SUCLA2: variants seen among roughly 807,000 people sequenced by gnomAD.
The protein encoded by SUCLA2 is succinate--CoA ligase [ADP-forming] subunit beta, mitochondrial.
SUCLA2 carries 30 observed loss-of-function variants against 54.8 expected under a neutral mutation model. The observed-to-expected ratio is 0.55, with a 90% CI of 0.41 to 0.74. The LOEUF (loss-of-function observed/expected upper bound fraction) is 0.74. Ranked by LOEUF, SUCLA2 falls within the 30% of genes least tolerant of loss-of-function variation. The pLI is 0.00. For missense variants in SUCLA2, 476 were observed against 562.9 expected (o/e 0.85, Z 1.56); for synonymous variants, 172 against 188.9 (o/e 0.91, Z 0.74).
Position 47,988,633 on chromosome 13 carries a change from T to C in SUCLA2, c.442A>G (p.Lys148Glu), listed in dbSNP as rs767999493. 4.3e-6 allele frequency: 7 copies of C among 1,614,012 alleles called. No homozygotes were observed. In the South Asian group the frequency reaches 7.7e-5, roughly 18 times the overall value. ...KKLFTKQTGE[K>E]GRICNQVLVC... ...AATACTTGATTGCATATTCTGCCCTTTTCTCCCGTTTGCTTGGTAAACAAT... is the reference window on the plus strand; with the variant it reads ...AATACTTGATTGCATATTCTGCCCTCTTCTCCCGTTTGCTTGGTAAACAAT... Residue 148 changes from lysine (K) to glutamate (E), a missense_variant, in exon 4 of 11, where the codon AAG (lysine) becomes GAG (glutamate). Around this residue, in one of 2 missense-constraint regions of SUCLA2, gnomAD observed 342 missense variants for 444.2 expected, o/e 0.77. Transcript: ENST00000646932.
intron 6 of SUCLA2, among the ~76,000 whole-genome samples, chr13:47,966,065 T>G (rs1489830293): frequency 6.6e-6 from 1 of 152,088 alleles, no homozygotes; most frequent in Non-Finnish European, 1.5e-5. Context: ...AAAAGAATAT[T>G]CTTGTTTTTA....
intron 2 of SUCLA2, among the ~76,000 whole-genome samples, chr13:47,989,359 C>T (rs1950132855): frequency 6.6e-6 from 1 of 151,976 alleles, no homozygotes; most frequent in African/African-American, 2.4e-5. Context: ...TACAGGCGCC[C>T]GCCACCATGC....
In SUCLA2 at chr13:47,957,242, C is replaced by T. The variant is rs865814041; in HGVS notation, c.803-2685G>A. On this transcript the variant is annotated intron_variant, in intron 6 of 10. Transcript: ENST00000646932. ...GCCAGTCAGGGAGATGGATTTGAGA[C>T]TGAGCTCCGATCTCCTCAGCTGCAG... is the stretch of plus-strand genomic sequence containing the variant. Among the ~76,000 whole-genome samples, 8 of 152,334 alleles carry T rather than the reference C, an allele frequency of 5.3e-5. No homozygotes were observed. The Middle Eastern group carries it at 0.01, about 194-fold the overall frequency.
At chr13:47,974,397 C>A (rs2137723386) in intron 4 of SUCLA2, among the ~76,000 whole-genome samples, 1 of 152,162 alleles carries the variant, frequency 6.6e-6, no homozygotes, top group South Asian at 2.1e-4. Context: ...CCAGCCTGGG[C>A]AACATAGTAA....
chr13:47,989,167 A>G (rs1950130437), intron 2 of SUCLA2, among the ~76,000 whole-genome samples, 186 bp from the exon 3 acceptor site: 1 of 152,184 alleles, frequency 6.6e-6, no homozygotes, highest in African/African-American at 2.4e-5. Context: ...ATCACTGTCT[A>G]AAAGGCCCAC....
At chr13:47,961,676 T>A (rs1166082606) in intron 6 of SUCLA2, among the ~76,000 whole-genome samples, 1 of 152,164 alleles carries the variant, frequency 6.6e-6, no homozygotes, top group Non-Finnish European at 1.5e-5. Context: ...GTTGTTAATA[T>A]GCATTCCAGG....
intron 5 of SUCLA2, among the ~76,000 whole-genome samples, chr13:47,969,269 A>G (rs1284246049): frequency 2.0e-5 from 3 of 151,848 alleles, no homozygotes; most frequent in Non-Finnish European, 4.4e-5. Context: ...AAATATTAGA[A>G]GACCCTATTT....
chr13:47,964,586 G>A (rs1357369182), intron 6 of SUCLA2, among the ~76,000 whole-genome samples: 1 of 152,218 alleles, frequency 6.6e-6, no homozygotes. Context: ...GGCCAGGCGT[G>A]GTGGCTCAAG....
At chr13:47,976,529 A>G (rs866250755) in intron 4 of SUCLA2, among the ~76,000 whole-genome samples, 1 of 152,146 alleles carries the variant, frequency 6.6e-6, no homozygotes, top group South Asian at 2.1e-4. Flanking sequence ...GGGAACCAGC[A>G]TACTCTGGAT....
At chr13:47,957,110 G>C (rs938916362) in intron 6 of SUCLA2, among the ~76,000 whole-genome samples, 3 of 152,142 alleles carry the variant, frequency 2.0e-5, no homozygotes, top group South Asian at 2.1e-4. Flanking sequence ...AATGAGACTA[G>C]ACTCTGGACC....
chr13:47,957,788 G>T (rs1170846094), intron 6 of SUCLA2, among the ~76,000 whole-genome samples: 1 of 152,124 alleles, frequency 6.6e-6, no homozygotes, highest in Non-Finnish European at 1.5e-5. Flanking sequence ...CGGACAGTTG[G>T]ATCAGCTCCT....
At chr13:47,961,803 CT>C (rs1949873580) in intron 6 of SUCLA2, among the ~76,000 whole-genome samples, 1 of 152,142 alleles carries the variant, frequency 6.6e-6, no homozygotes, top group African/African-American at 2.4e-5. Flanking sequence ...TCAACTGTGT[CT>C]TTATGACTGT....
At chr13:47,977,208 T>C (rs2137727202) in intron 4 of SUCLA2, among the ~76,000 whole-genome samples, 1 of 152,238 alleles carries the variant, frequency 6.6e-6, no homozygotes, top group Non-Finnish European at 1.5e-5. Context: ...CATTGATAAC[T>C]TGCTAGAAAC....
At chr13:47,988,219 C>A in intron 4 of SUCLA2, 1 of 347,860 alleles carries the variant, frequency 2.9e-6, no homozygotes. Flanking sequence ...GAATATTTTA[C>A]TATGCTAGAT....
Position 47,988,898 on chromosome 13 carries a change from C to T in SUCLA2, c.355G>A (p.Val119Met). The T allele has an allele frequency of 6.2e-7, 1 of 1,612,802 alleles. No homozygotes were observed. The highest frequency in any genetic ancestry group is 8.5e-7 in the Non-Finnish European group (1 of 1,179,952). Residue 119 changes from valine to methionine, a missense_variant, in exon 3 of 11, where the codon GTG becomes ATG. Transcript: ENST00000646932. ...GTFESGLKGG[V>M]KIVFSPEEAK... ...GTGACTTACGAGAAAACTATCTTCA[C>T]TCCTCCTTTGAGGCCACTTTCAAAT...
At chr13:47,984,395 T>C (rs1036490504) in intron 4 of SUCLA2, among the ~76,000 whole-genome samples, 1 of 151,202 alleles carries the variant, frequency 6.6e-6, no homozygotes, top group Non-Finnish European at 1.5e-5. Context: ...GTAGAGACAG[T>C]GTTTCACTGT....
intron 2 of SUCLA2, among the ~76,000 whole-genome samples, chr13:47,992,691 C>A (rs1593502987): frequency 6.6e-6 from 1 of 152,202 alleles, no homozygotes; most frequent in Admixed American, 6.5e-5. Flanking sequence ...ATCACTATCC[C>A]AGCTACCTTT....
At chr13:47,959,958 TACTG>T (rs1045865064) in intron 6 of SUCLA2, among the ~76,000 whole-genome samples, 24 of 152,316 alleles carry the variant, frequency 1.6e-4, no homozygotes, top group African/African-American at 5.8e-4. Flanking sequence ...CTGGAGTATT[TACTG>T]ATCATGGGCC....
intron 10 of SUCLA2, 81 bp from the exon 11 acceptor site, chr13:47,943,526 T>G (rs1204893243): frequency 7.7e-7 from 1 of 1,294,362 alleles, no homozygotes; most frequent in African/African-American, 1.5e-5. Flanking sequence ...TACACTCAAT[T>G]TTTTCCATTT....
Sources: allele counts gnomAD v4.1 joint callset (sites outside exome capture counted in the v4.1 genomes callset), GRCh38; gene constraint gnomAD v4.1.1; regional missense constraint gnomAD v4.1.1; transcripts MANE v1.5; gene names NCBI Gene and HGNC (gene_info 2026-07-23, HGNC 2026-07-21).